The following COMMD5 variants were observed in gnomAD, a reference collection of about 807,000 sequenced individuals.
The protein encoded by COMMD5 is COMM domain-containing protein 5.
A neutral mutation model predicts 6.9 loss-of-function variants in COMMD5; 10 were observed. That is an observed-to-expected ratio of 1.44 (90% CI 0.89 to 2.45). COMMD5 has a LOEUF of 2.45. Among genes scored for constraint, COMMD5 ranks in the 30% most tolerant of loss-of-function variants. The pLI is 0.00. For missense variants in COMMD5, 234 were observed against 287.8 expected (o/e 0.81, Z 1.35); for synonymous variants, 127 against 125.3 (o/e 1.01, Z -0.09).
chr8:144,844,239 C>CA (rs1452402285), intron 1 of COMMD5, among the ~76,000 whole-genome samples: 2 of 152,280 alleles, frequency 1.3e-5, no homozygotes, highest in East Asian at 1.9e-4. Flanking sequence ...CTGGGCCTGT[C>CA]AGAGAACGAG....
downstream of COMMD5, among the ~76,000 whole-genome samples, chr8:144,839,756 C>T (rs1012281737): frequency 1.3e-5 from 2 of 152,126 alleles, no homozygotes; most frequent in Admixed American, 1.3e-4. Flanking sequence ...GTTACTTGTC[C>T]CCAGCTGGTA....
downstream of COMMD5, among the ~76,000 whole-genome samples, chr8:144,849,623 G>A (rs1260176832): frequency 6.6e-6 from 1 of 152,102 alleles, no homozygotes. Context: ...GACCGAAAAT[G>A]GCTCTGCAGA....
upstream of COMMD5, chr8:144,853,386 C>T (rs377464341): frequency 6.6e-6 from 1 of 152,258 alleles, no homozygotes. Flanking sequence ...GGCTGAGGAG[C>T]TCGCTGGCTT....
At chr8:144,847,006 G>C (rs1223659851), downstream of COMMD5, 5 of 152,210 alleles carry the variant, frequency 3.3e-5, no homozygotes, top group African/African-American at 4.8e-5. Flanking sequence ...CTGAGGAGGA[G>C]TCCTCTTCTA....
In COMMD5 at chr8:144,851,215, C is replaced by G. The variant is rs1422961128; in HGVS notation, c.124G>C (p.Asp42His). Reference sequence around the variant, plus strand: ...TTTCTGAACGTGCTCCTGTCTAGGTCCCCTAGTAGCCGGGCCATTGCTGCC... The same window carrying G: ...TTTCTGAACGTGCTCCTGTCTAGGTGCCCTAGTAGCCGGGCCATTGCTGCC... ...EVAAMARLLG[D>H]LDRSTFRKLL... The change falls in exon 2 of 2, where the codon GAC becomes CAC. Residue 42 changes from aspartate (D) to histidine (H), a missense_variant. Coordinates refer to ENST00000305103, the MANE Select transcript of COMMD5 (RefSeq NM_014066.4). 6.2e-7 allele frequency: 1 copy of G among 1,614,020 alleles called. No homozygotes were observed.
downstream of COMMD5, chr8:144,838,564 C>T: frequency 5.9e-6 from 1 of 169,158 alleles, no homozygotes; most frequent in Non-Finnish European, 1.3e-5. Context: ...GTCACTCCTG[C>T]AGCAGGGCAG....
At chr8:144,843,378 A>AGT (rs1830236552) in intron 1 of COMMD5, 5 of 528,306 alleles carry the variant, frequency 9.5e-6, no homozygotes, top group African/African-American at 7.8e-5. Context: ...TCACGAGGTC[A>AGT]GGAGGTTGAG....
exon 2 of COMMD5, chr8:144,841,513 C>T: frequency 1.9e-6 from 3 of 1,614,206 alleles, no homozygotes; most frequent in East Asian, 2.2e-5. Flanking sequence ...AGACAGTCAT[C>T]TGGGCAGTCC....
chr8:144,845,605 A>G (rs760432338), downstream of COMMD5, among the ~76,000 whole-genome samples: 5 of 152,170 alleles, frequency 3.3e-5, no homozygotes, highest in Admixed American at 6.5e-5. Context: ...CTCACACAGC[A>G]TCTAATTAAG....
chr8:144,849,063 C>T (rs1010246022), downstream of COMMD5, among the ~76,000 whole-genome samples: 1 of 152,220 alleles, frequency 6.6e-6, no homozygotes, highest in Non-Finnish European at 1.5e-5. Context: ...GGGCTCCACA[C>T]AGGCTTTGCT....
downstream of COMMD5, among the ~76,000 whole-genome samples, chr8:144,848,576 T>C (rs542542207): frequency 2.0e-5 from 3 of 152,268 alleles, no homozygotes; most frequent in East Asian, 3.9e-4. Context: ...CAAGCCACCA[T>C]GGCAGGGTGG....
downstream of COMMD5, chr8:144,845,839 T>C (rs1305486009): frequency 1.5e-5 from 12 of 774,890 alleles, no homozygotes; most frequent in Non-Finnish European, 2.2e-5. Flanking sequence ...CCGGAACTTC[T>C]GTGCACGTGG....
chr8:144,841,088 G>A, exon 2 of COMMD5: 1 of 448,536 alleles, frequency 2.2e-6, no homozygotes, highest in Non-Finnish European at 4.0e-6. Flanking sequence ...ACCAGTGCCT[G>A]TAGGATGGAC....
intron 1 of COMMD5, chr8:144,842,376 G>A (rs1161471972): frequency 1.1e-5 from 17 of 1,614,006 alleles, no homozygotes; most frequent in Non-Finnish European, 1.4e-5. Flanking sequence ...AAGCTTTTAG[G>A]TGGATCTCTC....
At chr8:144,841,671 A>T in exon 2 of COMMD5, 1 of 1,614,176 alleles carries the variant, frequency 6.2e-7, no homozygotes, top group Non-Finnish European at 8.5e-7. Flanking sequence ...AAAGTCAGGG[A>T]GAGAGTGCGG....
chr8:144,851,058 T>G lies in COMMD5; in HGVS notation c.281A>C (p.Gln94Pro), dbSNP rs1286336042. Reference sequence around the variant, plus strand: ...GGTGGGGGGCAGACGGAGGGCCTGCTGGAGCAGTGTGTGCATGCCTGCCAG... The same window carrying G: ...GGTGGGGGGCAGACGGAGGGCCTGCGGGAGCAGTGTGTGCATGCCTGCCAG... ...ALLAGMHTLL[Q>P]QALRLPPTSL... Residue 94 changes from glutamine (Q) to proline (P), a missense_variant, in exon 2 of 2, where the codon CAG becomes CCG. By Grantham distance (76) the Gln-to-Pro change is moderately conservative (BLOSUM62 -1). Coordinates refer to ENST00000305103, the MANE Select transcript of COMMD5 (RefSeq NM_014066.4). 6.2e-7 allele frequency: 1 copy of G among 1,612,392 alleles called. No individual in the cohort carries two copies. Among genetic ancestry groups the G allele is most frequent in the African/African-American group, 1.3e-5 (1 of 74,936 alleles).
intron 1 of COMMD5, chr8:144,843,059 T>C (rs761791224): frequency 1.2e-6 from 2 of 1,614,034 alleles, no homozygotes; most frequent in Non-Finnish European, 1.7e-6. Context: ...CACCTAATTA[T>C]ACACCAGAGA....
exon 2 of COMMD5, chr8:144,841,679 C>A: frequency 6.2e-7 from 1 of 1,614,000 alleles, no homozygotes; most frequent in Admixed American, 1.7e-5. Flanking sequence ...GGAGAGAGTG[C>A]GGAAGGGATG....
At chr8:144,842,401 C>G (rs370205689) in intron 1 of COMMD5, 6 of 1,614,056 alleles carry the variant, frequency 3.7e-6, no homozygotes, top group Non-Finnish European at 4.2e-6. Context: ...GAGTCAGCAT[C>G]AGCTGATTCA....
Sources: gnomAD v4.1 joint callset for allele counts (sites outside exome capture counted in the v4.1 genomes callset) on GRCh38, gnomAD v4.1.1 for gene constraint, MANE v1.5 for transcripts, NCBI Gene and HGNC (gene_info 2026-07-23, HGNC 2026-07-21) for gene names.